The following TSPAN32 variants were observed in gnomAD, a reference collection of about 807,000 sequenced individuals.
TSPAN32 encodes the protein tetraspanin 32, also known as tetraspanin-32.
Under a neutral mutation model 42.7 loss-of-function variants are expected in TSPAN32, and 47 were observed. That is an observed-to-expected ratio of 1.10 (90% CI 0.87 to 1.40). The LOEUF (loss-of-function observed/expected upper bound fraction) is 1.40, where lower values mean the gene tolerates loss of function less well. Among genes scored for constraint, TSPAN32 ranks in the 40% most tolerant of loss-of-function variants. TSPAN32 has a pLI of 0.00. For missense variants in TSPAN32, 469 were observed against 424.1 expected (o/e 1.11, Z -0.93); for synonymous variants, 175 against 175.9 (o/e 0.99, Z 0.04).
In TSPAN32 at chr11:2,317,858, C is replaced by T. The variant is rs1030636579; in HGVS notation, c.902-5C>T. 9 of 1,574,848 alleles carry T rather than the reference C, an allele frequency of 5.7e-6. No individual in the cohort carries two copies. Among genetic ancestry groups the T allele is most frequent in the Non-Finnish European group, 7.0e-6 (8 of 1,144,934 alleles). Reference sequence around the variant, plus strand: ...TGCAAGCAGTGCCCATTTATGATCTCGCAGCTCTCCAGGGCAGAAGTCGCG... The same window carrying T: ...TGCAAGCAGTGCCCATTTATGATCTTGCAGCTCTCCAGGGCAGAAGTCGCG... On this transcript the variant is annotated splice_region_variant and splice_polypyrimidine_tract_variant and intron_variant, in intron 9 of 9. Transcript: ENST00000182290. The surrounding 1 kb of genome is among the most constrained non-coding windows in gnomAD (Gnocchi z 6.2).
At chr11:2,316,511 T>A in intron 7 of TSPAN32, 65 bp from the exon 8 acceptor site, 3 of 1,608,892 alleles carry the variant, frequency 1.9e-6, no homozygotes, top group Non-Finnish European at 2.5e-6. Context: ...AGAGTCCTGA[T>A]GCTTCCTGGG....
At chr11:2,314,462 C>A in intron 5 of TSPAN32, 23 bp from the exon 6 acceptor site, 1 of 1,596,284 alleles carries the variant, frequency 6.3e-7, no homozygotes, top group Non-Finnish European at 8.6e-7. Context: ...CACATCACCA[C>A]TCCCTCCCTT....
Position 2,304,925 on chromosome 11 carries a change from C to T in TSPAN32, c.279+721C>T, listed in dbSNP as rs1230385167. On this transcript the variant is annotated intron_variant, in intron 3 of 9. Transcript: ENST00000182290. This position sits in a 1 kb window ranked among gnomAD's most constrained non-coding sequence, Gnocchi z 4.8. The stretch of plus-strand genomic sequence containing the variant: ...TCTCTCACCCCAGCTGGGGCAGCTC[C>T]TCCCTGGCGCCCCGGGCTCCCACCT... Among the ~76,000 whole-genome samples the T allele has an allele frequency of 6.6e-6, 1 of 152,162 alleles. No individual in the cohort carries two copies. The highest frequency in any genetic ancestry group is 2.4e-5 in the African/African-American group (1 of 41,434).
At position 2,313,591 on chromosome 11, in the gene TSPAN32, G is replaced by T; in HGVS notation, c.355-63G>T. On this transcript the variant is annotated intron_variant, in intron 4 of 9. Transcript: ENST00000182290. The surrounding 1 kb of genome is among the most constrained non-coding windows in gnomAD (Gnocchi z 9.1). ...CCACTAGCGTTTGGGATGTCGTGGG[G>T]AGGGGGCTGTGTCCCCGGATCTCCC... 1 of 1,341,838 alleles carries T rather than the reference G, an allele frequency of 7.5e-7. No individual in the cohort carries two copies. Among genetic ancestry groups the T allele is most frequent in the Non-Finnish European group, 1.0e-6 (1 of 962,640 alleles). The allele number at this position is 1,341,838 out of a possible 1,614,324, so 83.1% of individuals were successfully genotyped here. A position where few individuals can be genotyped will look rare whatever the true frequency, so the allele number is the denominator to read the frequency against.
At chr11:2,305,221 T>G (rs2077112) in intron 3 of TSPAN32, among the ~76,000 whole-genome samples, 130,504 of 152,300 alleles carry the variant, frequency 0.86, 57,003 homozygotes, top group African/African-American at 0.95. Context: ...GGGCCCATGG[T>G]GGGCAGAGGA....
Position 2,305,366 on chromosome 11 carries a change from G to T in TSPAN32, c.279+1162G>T, listed in dbSNP as rs561511597. On this transcript the variant is annotated intron_variant, in intron 3 of 9. Transcript: ENST00000182290. ...CAGTGGGGAGATGACAAGGCAGGTA[G>T]TCTGCCCCCCCCCCCAGAGGGTGTG... Among the ~76,000 whole-genome samples the T allele has an allele frequency of 8.6e-5, 10 of 116,504 alleles. No homozygotes were observed. In the South Asian group the frequency reaches 2.3e-3, roughly 27 times the overall value. The allele number at this position is 116,504 out of a possible 152,430, so 76.4% of individuals were successfully genotyped here.
intron 6 of TSPAN32, 185 bp from the exon 7 acceptor site, chr11:2,316,044 C>G (rs1460409081): frequency 1.4e-5 from 21 of 1,534,272 alleles, no homozygotes; most frequent in Non-Finnish European, 1.8e-5. Flanking sequence ...TCCCACTGGG[C>G]TTCACCTGCT....
At chr11:2,314,401 T>C (rs762784729) in intron 5 of TSPAN32, 84 bp from the exon 6 acceptor site, 200 of 1,084,700 alleles carry the variant, frequency 1.8e-4, no homozygotes, top group Non-Finnish European at 2.6e-4. Context: ...TGGATACTTG[T>C]GGTGCCTCAG....
intron 6 of TSPAN32, chr11:2,315,384 G>T: frequency 8.8e-7 from 1 of 1,137,272 alleles, no homozygotes; most frequent in Non-Finnish European, 1.1e-6. Flanking sequence ...AGGGACCAGC[G>T]GCATTGGGGG....
intron 3 of TSPAN32, among the ~76,000 whole-genome samples, chr11:2,306,541 G>T (rs1457390022): frequency 7.7e-6 from 1 of 129,230 alleles, no homozygotes; most frequent in African/African-American, 2.9e-5. Flanking sequence ...GTTGGTGGTG[G>T]GGGGAGAGAG....
In TSPAN32 at chr11:2,304,917, G is replaced by A. The variant is rs1321402833; in HGVS notation, c.279+713G>A. Among the ~76,000 whole-genome samples the A allele has an allele frequency of 6.6e-6, 1 of 152,094 alleles. No homozygotes were observed. The highest frequency in any genetic ancestry group is 1.9e-4 in the East Asian group (1 of 5,180). ...AGCCCTCTTCTCTCACCCCAGCTGG[G>A]GCAGCTCCTCCCTGGCGCCCCGGGC... On this transcript the variant is annotated intron_variant, in intron 3 of 9. Coordinates refer to ENST00000182290, the MANE Select transcript of TSPAN32 (RefSeq NM_139022.3). The surrounding 1 kb of genome is among the most constrained non-coding windows in gnomAD (Gnocchi z 4.8).
intron 2 of TSPAN32, chr11:2,303,388 C>T (rs1347477969): frequency 4.6e-6 from 1 of 217,798 alleles, no homozygotes; most frequent in Non-Finnish European, 9.6e-6. Context: ...GGGGGCTGCT[C>T]TAGCCAGACG....
rs1289874946 is a variant in TSPAN32, at chr11:2,316,794, A to C, written c.719+127A>C. 1.3e-5 allele frequency: 14 copies of C among 1,053,672 alleles called. No individual in the cohort carries two copies. In the East Asian group the frequency reaches 3.8e-4, roughly 28 times the overall value. 65.3% of individuals were successfully genotyped at this position (1,053,672 alleles called of 1,614,324 possible). A position where few individuals can be genotyped will look rare whatever the true frequency, so the allele number is the denominator to read the frequency against. On this transcript the variant is annotated intron_variant, in intron 8 of 9. Coordinates refer to ENST00000182290, the MANE Select transcript of TSPAN32 (RefSeq NM_139022.3). ...GCCCCAGGCTGACACTGTAGAGGAAACGCTTTGGGGGTGGCTGAGCACCAG... is the reference window on the plus strand; with the variant it reads ...GCCCCAGGCTGACACTGTAGAGGAACCGCTTTGGGGGTGGCTGAGCACCAG...
chr11:2,302,146 C>G lies in TSPAN32; in HGVS notation c.-4C>G, dbSNP rs750010162. 7 of 1,456,164 alleles carry G rather than the reference C, an allele frequency of 4.8e-6. No individual in the cohort carries two copies. Among genetic ancestry groups the G allele is most frequent in the Non-Finnish European group, 6.4e-6 (7 of 1,102,300 alleles). 90.2% of individuals were successfully genotyped at this position (1,456,164 alleles called of 1,614,324 possible). On this transcript the variant is annotated 5_prime_UTR_variant, in exon 1 of 10. Transcript: ENST00000182290. Reference sequence around the variant, plus strand: ...GGGGAGGAGAGGAGAGGAGAGGAACCGTCATGGGGCCTTGGAGTCGAGTCA... The same window carrying G: ...GGGGAGGAGAGGAGAGGAGAGGAACGGTCATGGGGCCTTGGAGTCGAGTCA...
chr11:2,304,279 T>C lies in TSPAN32; in HGVS notation c.279+75T>C. The C allele has an allele frequency of 9.0e-7, 1 of 1,114,894 alleles. No homozygotes were observed. Among genetic ancestry groups the C allele is most frequent in the Non-Finnish European group, 1.3e-6 (1 of 799,200 alleles). 69.1% of individuals were successfully genotyped at this position (1,114,894 alleles called of 1,614,324 possible). On this transcript the variant is annotated intron_variant, in intron 3 of 9. Coordinates refer to ENST00000182290, the MANE Select transcript of TSPAN32 (RefSeq NM_139022.3). This position sits in a 1 kb window ranked among gnomAD's most constrained non-coding sequence, Gnocchi z 4.8. ...AAGGAGTGAAGAGCTGGCAGGGCTGTGTGCCACCCCCACACCTGAGTGACC... is the reference window on the plus strand; with the variant it reads ...AAGGAGTGAAGAGCTGGCAGGGCTGCGTGCCACCCCCACACCTGAGTGACC...
chr11:2,313,731 G>T lies in TSPAN32; in HGVS notation c.432G>T (p.Gln144His). 6.2e-7 allele frequency: 1 copy of T among 1,603,818 alleles called. No homozygotes were observed. The highest frequency in any genetic ancestry group is 8.5e-7 in the Non-Finnish European group (1 of 1,176,940). The change falls in exon 5 of 10, where the codon CAG becomes CAT. Residue 144 changes from glutamine to histidine, a missense_variant. By Grantham distance (24) the Gln-to-His change is conservative (BLOSUM62 0). Transcript: ENST00000182290. This position sits in a 1 kb window ranked among gnomAD's most constrained non-coding sequence, Gnocchi z 9.1. The stretch of plus-strand genomic sequence containing the variant: ...AAGGTACGTCCCACGTCCGGCGGCA[G>T]GAGCTGGCGGCCATCCAGGACGTGG... ...AMKGTSHVRR[Q>H]ELAAIQDVFL...
At position 2,313,823 on chromosome 11, in the gene TSPAN32, C is replaced by A; in HGVS notation, c.456+68C>A. Reference sequence around the variant, plus strand: ...CTTGGACTGCAGTTCAGAGAACAGGCGCAGGGTGGCCAGTGAGAGGTCTGG... The same window carrying A: ...CTTGGACTGCAGTTCAGAGAACAGGAGCAGGGTGGCCAGTGAGAGGTCTGG... On this transcript the variant is annotated intron_variant, in intron 5 of 9. Coordinates refer to ENST00000182290, the MANE Select transcript of TSPAN32 (RefSeq NM_139022.3). This position sits in a 1 kb window ranked among gnomAD's most constrained non-coding sequence, Gnocchi z 9.1. The A allele has an allele frequency of 1.6e-6, 2 of 1,284,406 alleles. No homozygotes were observed. The highest frequency in any genetic ancestry group is 2.2e-6 in the Non-Finnish European group (2 of 921,748). The allele number at this position is 1,284,406 out of a possible 1,614,324, so 79.6% of individuals were successfully genotyped here.
At chr11:2,311,192 C>A (rs113432153) in intron 4 of TSPAN32, among the ~76,000 whole-genome samples, 2,093 of 152,234 alleles carry the variant, frequency 0.014, 48 homozygotes, top group African/African-American at 0.047. Flanking sequence ...GGGAAGGGAC[C>A]AGCCACATGC....
chr11:2,312,541 T>C (rs1848522523), intron 4 of TSPAN32, among the ~76,000 whole-genome samples: 1 of 152,190 alleles, frequency 6.6e-6, no homozygotes, highest in Non-Finnish European at 1.5e-5. Context: ...AAGTTTGGCC[T>C]GGAAAGTCCA....
Sources: gnomAD v4.1 joint callset for allele counts (sites outside exome capture counted in the v4.1 genomes callset) on GRCh38, gnomAD v4.1.1 for gene constraint, Gnocchi (gnomAD v3.1) non-coding constraint, MANE v1.5 for transcripts, NCBI Gene and HGNC (gene_info 2026-07-23, HGNC 2026-07-21) for gene names.